Variants in RBBP9 observed in about 807,000 individuals in gnomAD.
RBBP9 encodes the protein RB binding protein 9, serine hydrolase, also known as serine hydrolase RBBP9.
In RBBP9, 20 loss-of-function variants were observed where a neutral mutation model predicts 24.2. The observed-to-expected ratio is 0.83, with a 90% CI of 0.58 to 1.20. The LOEUF (loss-of-function observed/expected upper bound fraction) is 1.20, where lower values mean the gene tolerates loss of function less well. Among genes scored for constraint, RBBP9 ranks in the 50% most tolerant of loss-of-function variants. RBBP9 has a pLI of 0.00. For missense variants in RBBP9, 234 were observed against 233.6 expected (o/e 1.00, Z -0.01); for synonymous variants, 74 against 84.6 (o/e 0.87, Z 0.69).
At chr20:18,495,812 T>A (rs1568588252) in intron 2 of RBBP9, 26 bp downstream of exon 2, 1 of 1,534,948 alleles carries the variant, frequency 6.5e-7, no homozygotes, top group Non-Finnish European at 9.0e-7. Context: ...AAGATGAGGC[T>A]ATTTAAAAAC....
intron 3 of RBBP9, among the ~76,000 whole-genome samples, chr20:18,491,591 AGAGT>A (rs2059865708): frequency 1.3e-5 from 2 of 152,324 alleles, no homozygotes; most frequent in Middle Eastern, 3.4e-3. Flanking sequence ...AGGAGCCAGT[AGAGT>A]GAGTCTCCTT....
intron 4 of RBBP9, 22 bp downstream of exon 4, chr20:18,490,373 A>G: frequency 6.3e-7 from 1 of 1,591,976 alleles, no homozygotes. Context: ...GGCTTTGCTC[A>G]GATTTCTACC....
At position 18,495,845 on chromosome 20, in the gene RBBP9, G is replaced by A. The variant is rs142061709; in HGVS notation, c.135C>T (p.Pro45=). 21 of 1,569,226 alleles carry A rather than the reference G, an allele frequency of 1.3e-5. No individual in the cohort carries two copies. The highest frequency in any genetic ancestry group is 3.4e-5 in the Admixed American group (2 of 58,986). ...PGFQCLAKNM[P]DPITARESIW... The stretch of plus-strand genomic sequence containing the variant: ...AACAAGTTTAAAACTTACTTGGGTC[G>A]GGCATGTTTTTAGCCAAACACTGGA... The change falls in exon 2 of 5, where the codon CCC becomes CCT. Residue 45 remains proline, a synonymous_variant. Coordinates refer to ENST00000337227, the MANE Select transcript of RBBP9 (RefSeq NM_006606.3).
chr20:18,494,171 A>G, intron 2 of RBBP9, 108 bp from the exon 3 acceptor site: 1 of 789,804 alleles, frequency 1.3e-6, no homozygotes, highest in Non-Finnish European at 2.1e-6. Context: ...ACAACTTTTA[A>G]AACTGCAGGA....
In RBBP9 at chr20:18,494,082, GAA is replaced by G. The variant is rs2059875112; in HGVS notation, c.143-21_143-20del. 1 of 1,596,472 alleles carries G rather than the reference GAA, an allele frequency of 6.3e-7. No homozygotes were observed. Among genetic ancestry groups the G allele is most frequent in the South Asian group, 1.1e-5 (1 of 90,368 alleles). On this transcript the variant is annotated intron_variant, in intron 2 of 4. Transcript: ENST00000337227. ...GCTGTAACTTAAGGTTCAGGGTAAA[GAA>G]AAAGTCTGTCATTTGATAGTGGCAG...
intron 1 of RBBP9, 44 bp from the exon 2 acceptor site, chr20:18,495,924 T>A (rs2059885212): frequency 2.9e-5 from 41 of 1,404,028 alleles, no homozygotes; most frequent in Non-Finnish European, 4.0e-5. Flanking sequence ...AAGAGCTTAA[T>A]TACAACTAAT....
At chr20:18,493,553 A>G (rs2059873026) in intron 3 of RBBP9, among the ~76,000 whole-genome samples, 1 of 152,200 alleles carries the variant, frequency 6.6e-6, no homozygotes, top group African/African-American at 2.4e-5. Flanking sequence ...GGGAATAGAA[A>G]GCCATGCAGT....
chr20:18,494,045 A>C lies in RBBP9; in HGVS notation c.161T>G (p.Ile54Ser). 6.2e-7 allele frequency: 1 copy of C among 1,613,794 alleles called. No homozygotes were observed. The highest frequency in any genetic ancestry group is 1.7e-5 in the Admixed American group (1 of 59,928). ...MPDPITARESIWLPFMETELH... is the reference protein window; with the variant it reads ...MPDPITARESSWLPFMETELH... The stretch of plus-strand genomic sequence containing the variant: ...CTCTGTCTCCATGAAGGGCAGCCAG[A>C]TGCTCTCTCGTGCTGTAACTTAAGG... The change falls in exon 3 of 5, where the codon ATC (isoleucine) becomes AGC (serine). Residue 54 changes from isoleucine to serine, a missense_variant. Ile to Ser is a moderately radical substitution (Grantham distance 142). Transcript: ENST00000337227.
In RBBP9 at chr20:18,497,144, C is replaced by CA. The variant is rs1249081048; in HGVS notation, c.23dup (p.Ile9AspfsTer34). ...CCCCGCCTCCGTTCCCGGGAACAAT[C>CA]ACTGCCTTGCTAGGAGAAGCCATGA... On this transcript the variant is annotated frameshift_variant, in exon 1 of 5. Transcript: ENST00000337227. LOFTEE classifies it high-confidence loss of function. The CA allele has an allele frequency of 6.2e-7, 1 of 1,614,168 alleles. No homozygotes were observed. Among genetic ancestry groups the CA allele is most frequent in the Non-Finnish European group, 8.5e-7 (1 of 1,179,980 alleles).
rs767680275 is a variant in RBBP9 at position 18,493,969 on chromosome 20, G to A, written c.237C>T (p.Ile79=). The change falls in exon 3 of 5, where the codon ATC becomes ATT. Residue 79 remains isoleucine (I), a synonymous_variant. Coordinates refer to ENST00000337227, the MANE Select transcript of RBBP9 (RefSeq NM_006606.3). ...TIIIGHSSGA[I]AAMRYAETHR... is the part of the protein sequence containing the mutation. ...AACAAAGATCGCACCTCATGGCCGC[G>A]ATGGCCCCAGAACTGTGGCCAATGA... The A allele has an allele frequency of 8.7e-6, 14 of 1,606,758 alleles. No individual in the cohort carries two copies. The highest frequency in any genetic ancestry group is 4.5e-5 in the East Asian group (2 of 44,640).
At chr20:18,493,907 C>G (rs2059874138) in intron 3 of RBBP9, 51 bp downstream of exon 3, 1 of 1,389,260 alleles carries the variant, frequency 7.2e-7, no homozygotes. Flanking sequence ...ATTTCTCAAG[C>G]AAGCATGACT....
chr20:18,492,676 G>A (rs953859981), intron 3 of RBBP9, among the ~76,000 whole-genome samples: 1 of 152,174 alleles, frequency 6.6e-6, no homozygotes, highest in Non-Finnish European at 1.5e-5. Flanking sequence ...AGTCCTCTAT[G>A]ATTTTGTCAA....
Position 18,486,785 on chromosome 20 carries a change from T to C in RBBP9, c.*2979A>G, listed in dbSNP as rs998762870. On this transcript the variant is annotated 3_prime_UTR_variant, in exon 5 of 5. Transcript: ENST00000337227. ...GGTATTTTGCTCACCTGAGAATAGA[T>C]ACTCCCCAGAGTGTATAGAGGCCCC... 1 of 152,174 alleles carries C rather than the reference T, an allele frequency of 6.6e-6. No homozygotes were observed. Among genetic ancestry groups the C allele is most frequent in the Non-Finnish European group, 1.5e-5 (1 of 68,028 alleles). 9.4% of individuals were successfully genotyped at this position (152,174 alleles called of 1,614,324 possible).
chr20:18,496,949 G>A (rs2059888781), intron 1 of RBBP9, 120 bp downstream of exon 1: 2 of 788,738 alleles, frequency 2.5e-6, no homozygotes, highest in Admixed American at 4.8e-5. Context: ...GGAGAGGCAG[G>A]AAAACACACA....
Position 18,494,206 on chromosome 20 carries a change from T to C in RBBP9, c.143-143A>G, listed in dbSNP as rs2059875629. On this transcript the variant is annotated intron_variant, in intron 2 of 4. Coordinates refer to ENST00000337227, the MANE Select transcript of RBBP9 (RefSeq NM_006606.3). Reference sequence around the variant, plus strand: ...ACCACAGCAGGAGACCAGACTGTATTAACAAAACCAAAGATTTATGTATTA... The same window carrying C: ...ACCACAGCAGGAGACCAGACTGTATCAACAAAACCAAAGATTTATGTATTA... The C allele has an allele frequency of 4.7e-5, 29 of 616,964 alleles. No individual in the cohort carries two copies. The South Asian group carries it at 5.5e-4, about 12-fold the overall frequency. The allele number at this position is 616,964 out of a possible 1,614,324, so 38.2% of individuals were successfully genotyped here.
chr20:18,495,016 G>A (rs994648342), intron 2 of RBBP9, among the ~76,000 whole-genome samples: 1 of 152,022 alleles, frequency 6.6e-6, no homozygotes, highest in Non-Finnish European at 1.5e-5. Flanking sequence ...GGTGAGGGGC[G>A]CCTCTGCCCG....
chr20:18,493,919 G>A (rs1434725101), intron 3 of RBBP9, 39 bp downstream of exon 3: 1 of 1,462,972 alleles, frequency 6.8e-7, no homozygotes, highest in Non-Finnish European at 9.4e-7. Context: ...AGCATGACTG[G>A]AGCCCACAAA....
Position 18,488,993 on chromosome 20 carries a change from T to A in RBBP9, c.*771A>T, listed in dbSNP as rs1013058056. ...TGTGTATATATATATATATTTGCAT[T>A]CCCCAAATTTAAAAACTACAATTTG... On this transcript the variant is annotated 3_prime_UTR_variant, in exon 5 of 5. Coordinates refer to ENST00000337227, the MANE Select transcript of RBBP9 (RefSeq NM_006606.3). 4.0e-5 allele frequency: 6 copies of A among 150,008 alleles called. No individual in the cohort carries two copies. The highest frequency in any genetic ancestry group is 8.9e-5 in the Non-Finnish European group (6 of 67,500). 9.3% of individuals were successfully genotyped at this position (150,008 alleles called of 1,614,324 possible).
intron 3 of RBBP9, among the ~76,000 whole-genome samples, chr20:18,490,837 G>C (rs898408003): frequency 2.6e-5 from 4 of 151,970 alleles, no homozygotes; most frequent in Admixed American, 2.6e-4. Context: ...GCACCACCAC[G>C]CCCAGCTAAT....
Sources: gnomAD v4.1 joint callset for allele counts (sites outside exome capture counted in the v4.1 genomes callset) on GRCh38, gnomAD v4.1.1 for gene constraint, MANE v1.5 for transcripts, NCBI Gene and HGNC (gene_info 2026-07-23, HGNC 2026-07-21) for gene names.